CDH7: variants seen among roughly 807,000 people sequenced by gnomAD.
CDH7 encodes the protein cadherin-7.
CDH7 carries 25 observed loss-of-function variants against 71.8 expected under a neutral mutation model. That is an observed-to-expected ratio of 0.35 (90% CI 0.25 to 0.49). The LOEUF (loss-of-function observed/expected upper bound fraction) is 0.49. Among genes scored for constraint, CDH7 ranks in the 20% least tolerant of loss-of-function variants. CDH7 has a pLI of 0.99. For missense variants in CDH7, 862 were observed against 974.6 expected, an observed-to-expected ratio of 0.88 and a Z score of 1.54; for synonymous variants, 381 against 363.8, an observed-to-expected ratio of 1.05 and a Z score of -0.54.
At chr18:65,820,948 C>G (rs1911902498) in intron 4 of CDH7, among the ~76,000 whole-genome samples, 1 of 151,894 alleles carries the variant, frequency 6.6e-6, no homozygotes, top group Non-Finnish European at 1.5e-5. Context: ...AGAGATGAGT[C>G]AAATTTAAAA....
chr18:65,809,977 G>T lies in CDH7; in HGVS notation c.484G>T (p.Val162Phe). Reference protein sequence around the residue: ...KFLDGPYTAGVPEMSPVGTSV... With the variant: ...KFLDGPYTAGFPEMSPVGTSV... ...TTTGGATGGCCCATACACGGCAGGA[G>T]TTCCCGAAATGTCTCCCGTGGGTAA... Residue 162 changes from valine to phenylalanine, a missense_variant, in exon 3 of 12, where the codon GTT (valine) becomes TTT (phenylalanine). Transcript: ENST00000397968. 1.2e-6 allele frequency: 2 copies of T among 1,611,082 alleles called. No individual in the cohort carries two copies. The highest frequency in any genetic ancestry group is 1.7e-6 in the Non-Finnish European group (2 of 1,177,518).
At chr18:65,782,923 CA>C (rs1910367183) in intron 2 of CDH7, among the ~76,000 whole-genome samples, 1 of 152,074 alleles carries the variant, frequency 6.6e-6, no homozygotes, top group African/African-American at 2.4e-5. Flanking sequence ...AGCAAAACCA[CA>C]AACAGAAAGT....
At chr18:65,805,736 C>T (rs1019878793) in intron 2 of CDH7, among the ~76,000 whole-genome samples, 1 of 151,944 alleles carries the variant, frequency 6.6e-6, no homozygotes, top group Non-Finnish European at 1.5e-5. Flanking sequence ...GTCCTTCAGG[C>T]TAACATTGTT....
At chr18:65,814,926 T>A (rs1911671395) in intron 4 of CDH7, among the ~76,000 whole-genome samples, 1 of 152,146 alleles carries the variant, frequency 6.6e-6, no homozygotes, top group Non-Finnish European at 1.5e-5. Flanking sequence ...TTCATTCACA[T>A]GGGAAATTAT....
chr18:65,755,693 G>A (rs577019199), intron 1 of CDH7, among the ~76,000 whole-genome samples: 1 of 152,106 alleles, frequency 6.6e-6, no homozygotes, highest in South Asian at 2.1e-4. Context: ...ATGTATTAAG[G>A]GATTCTACAA....
intron 7 of CDH7, among the ~76,000 whole-genome samples, chr18:65,850,683 A>T (rs1048188469): frequency 2.0e-5 from 3 of 151,886 alleles, no homozygotes; most frequent in African/African-American, 7.3e-5. Context: ...TGCCATCAAG[A>T]TTGCATATGA....
chr18:65,844,178 T>TATATATATATATATATATATAC (rs1265762113), intron 7 of CDH7, 113 bp downstream of exon 7: 1 of 254,148 alleles, frequency 3.9e-6, no homozygotes, highest in African/African-American at 2.3e-5. Context: ...AAACCAGATA[T>TATATATATATATATATATATAC]ATATATATAT....
intron 2 of CDH7, among the ~76,000 whole-genome samples, chr18:65,797,208 G>A (rs1221485986): frequency 6.6e-6 from 1 of 152,114 alleles, no homozygotes; most frequent in Non-Finnish European, 1.5e-5. Context: ...TGCCTTTCCA[G>A]AGTCCATGGG....
At chr18:65,855,098 A>T (rs1385938667) in intron 7 of CDH7, among the ~76,000 whole-genome samples, 2 of 152,108 alleles carry the variant, frequency 1.3e-5, no homozygotes, top group African/African-American at 4.8e-5. Flanking sequence ...AGTTTAGTGA[A>T]GATGAGTATA....
intron 2 of CDH7, among the ~76,000 whole-genome samples, chr18:65,793,030 G>T (rs1910769920): frequency 6.6e-6 from 1 of 152,062 alleles, no homozygotes; most frequent in African/African-American, 2.4e-5. Context: ...TTCTTTAGTT[G>T]TACTGGGAGA....
chr18:65,867,505 A>T (rs1913801008), intron 11 of CDH7, among the ~76,000 whole-genome samples: 1 of 152,208 alleles, frequency 6.6e-6, no homozygotes, highest in African/African-American at 2.4e-5. Flanking sequence ...AAGACATTCG[A>T]TTATTTATTC....
At chr18:65,777,180 C>A (rs1287150502) in intron 2 of CDH7, among the ~76,000 whole-genome samples, 1 of 151,894 alleles carries the variant, frequency 6.6e-6, no homozygotes, top group East Asian at 1.9e-4. Flanking sequence ...AGACCTGATG[C>A]TGAAAGTAAT....
rs17075229 is a variant in CDH7, at chr18:65,809,970, G to A, written c.477G>A (p.Thr159=). The A allele has an allele frequency of 0.02, 32,236 of 1,611,472 alleles. 678 individuals are homozygous for A. The highest frequency in any genetic ancestry group is 0.1 in the Admixed American group (6,237 of 59,952). The change falls in exon 3 of 12, where the codon ACG becomes ACA. Residue 159 remains threonine (T), a synonymous_variant. Coordinates refer to ENST00000397968, the MANE Select transcript of CDH7 (RefSeq NM_004361.5). ...CCAAATTTTTGGATGGCCCATACAC[G>A]GCAGGAGTTCCCGAAATGTCTCCCG... The part of the protein sequence containing the change: ...NEPKFLDGPY[T]AGVPEMSPVG...
chr18:65,841,924 C>G (rs1912748031), intron 6 of CDH7, among the ~76,000 whole-genome samples: 1 of 152,076 alleles, frequency 6.6e-6, no homozygotes, highest in Non-Finnish European at 1.5e-5. Flanking sequence ...AAAAATATTA[C>G]TGAGTTTGTT....
At chr18:65,811,846 G>A (rs996804584) in intron 3 of CDH7, among the ~76,000 whole-genome samples, 2 of 151,670 alleles carry the variant, frequency 1.3e-5, no homozygotes, top group African/African-American at 4.8e-5. Flanking sequence ...ATGGTACTCT[G>A]ACATGAAACA....
chr18:65,829,156 G>C (rs1204722144), intron 6 of CDH7, among the ~76,000 whole-genome samples: 1 of 97,876 alleles, frequency 1.0e-5, no homozygotes, highest in Non-Finnish European at 2.2e-5. Context: ...GTCTCGCTTT[G>C]TCGCCCAGGC....
intron 1 of CDH7, among the ~76,000 whole-genome samples, chr18:65,755,714 C>T (rs1916009845): frequency 6.6e-6 from 1 of 152,088 alleles, no homozygotes; most frequent in Non-Finnish European, 1.5e-5. Flanking sequence ...TAAAAATAGG[C>T]AAAAGCAACA....
intron 1 of CDH7, among the ~76,000 whole-genome samples, chr18:65,756,663 G>A (rs922842641): frequency 2.0e-5 from 3 of 152,312 alleles, no homozygotes; most frequent in African/African-American, 7.2e-5. Context: ...AAAGTTTGGT[G>A]GAATGTGGTC....
intron 5 of CDH7, among the ~76,000 whole-genome samples, chr18:65,822,889 T>C (rs1379716091): frequency 2.6e-5 from 4 of 151,916 alleles, no homozygotes; most frequent in African/African-American, 9.7e-5. Flanking sequence ...AAAAATTCTC[T>C]AGGTAGAGGT....
Sources: allele counts gnomAD v4.1 joint callset (sites outside exome capture counted in the v4.1 genomes callset), GRCh38; gene constraint gnomAD v4.1.1; transcripts MANE v1.5; gene names NCBI Gene and HGNC (gene_info 2026-07-23, HGNC 2026-07-21).